The following CSMD1 variants were observed in gnomAD, a reference collection of about 807,000 sequenced individuals.
CSMD1 encodes CUB and sushi domain-containing protein 1.
In CSMD1, 213 loss-of-function variants were observed where a neutral mutation model predicts 417.5. The ratio of observed to expected loss-of-function variants is 0.51; its 90% CI spans 0.46 to 0.57. The LOEUF is 0.57. CSMD1 is among the 20% of genes least tolerant of loss of function. The probability of loss-of-function intolerance (pLI) is 0.00; values close to 1 mark genes in which losing one functional copy is unlikely to be tolerated. For synonymous variants in CSMD1, 2,862 were observed against 1,736.8 expected, an observed-to-expected ratio of 1.65 and a Z score of -16.11; for missense variants, 6,923 against 4,529.7, an observed-to-expected ratio of 1.53 and a Z score of -15.17.
chr8:4,644,414 C>T (rs1700981827), intron 1 of CSMD1, among the ~76,000 whole-genome samples: 1 of 76,840 alleles, frequency 1.3e-5, no homozygotes, highest in Non-Finnish European at 2.7e-5. Context: ...ACCCTTTGCC[C>T]TATTTTTTTT....
At chr8:4,360,596 T>G (rs1801695843) in intron 3 of CSMD1, among the ~76,000 whole-genome samples, 1 of 151,994 alleles carries the variant, frequency 6.6e-6, no homozygotes, top group Non-Finnish European at 1.5e-5. Context: ...TTCACGTCAT[T>G]CTCCTGCCTC....
At chr8:4,557,888 A>G (rs982092270) in intron 2 of CSMD1, among the ~76,000 whole-genome samples, 1 of 152,176 alleles carries the variant, frequency 6.6e-6, no homozygotes, top group African/African-American at 2.4e-5. Flanking sequence ...GGACAGTGTA[A>G]AGATGACGTG....
At chr8:4,957,825 T>C (rs1322093906) in intron 1 of CSMD1, among the ~76,000 whole-genome samples, 1 of 152,176 alleles carries the variant, frequency 6.6e-6, no homozygotes, top group Non-Finnish European at 1.5e-5. Context: ...AGGTGGATAG[T>C]ACAATTGGAC....
intron 3 of CSMD1, among the ~76,000 whole-genome samples, chr8:4,323,858 T>C (rs1399959583): frequency 1.3e-5 from 2 of 152,108 alleles, no homozygotes; most frequent in African/African-American, 4.8e-5. Flanking sequence ...AGAGTTTAGC[T>C]TAAGGCAACT....
At position 3,108,817 on chromosome 8, in the gene CSMD1, G is replaced by C. The variant is rs572618666; in HGVS notation, c.6609-69C>G. The C allele has an allele frequency of 8.1e-5, 117 of 1,444,310 alleles. 1 individual carries two copies. Among genetic ancestry groups the C allele is most frequent in the Non-Finnish European group, 1.1e-4 (113 of 1,067,288 alleles). The allele number at this position is 1,444,310 out of a possible 1,614,324, so 89.5% of individuals were successfully genotyped here. Reference sequence around the variant, plus strand: ...CTGAGTGAGATTTATGGAAACTTTGGCTAATGAATTAATTTTTTTAATAAA... The same window carrying C: ...CTGAGTGAGATTTATGGAAACTTTGCCTAATGAATTAATTTTTTTAATAAA... On this transcript the variant is annotated intron_variant, in intron 43 of 69. Coordinates refer to ENST00000635120, the MANE Select transcript of CSMD1 (RefSeq NM_033225.6).
intron 12 of CSMD1, among the ~76,000 whole-genome samples, chr8:3,431,530 T>C (rs1814217173): frequency 6.6e-6 from 1 of 152,192 alleles, no homozygotes; most frequent in Non-Finnish European, 1.5e-5. Flanking sequence ...TTTCCAGTAG[T>C]GCATGCCTCT....
chr8:4,129,386 C>G (rs147216017), intron 3 of CSMD1, among the ~76,000 whole-genome samples: 19 of 152,098 alleles, frequency 1.2e-4, no homozygotes, highest in Non-Finnish European at 2.6e-4. Context: ...ACCTCCACCC[C>G]CAACACACCA....
At chr8:3,470,257 T>C (rs1817010018) in intron 11 of CSMD1, among the ~76,000 whole-genome samples, 1 of 152,212 alleles carries the variant, frequency 6.6e-6, no homozygotes, top group Non-Finnish European at 1.5e-5. Context: ...ATGTTATTGT[T>C]TGTAGTATTG....
rs764243395 is a variant in CSMD1 at position 3,359,182 on chromosome 8, C to T, written c.3274G>A (p.Val1092Met). The T allele has an allele frequency of 6.2e-7, 1 of 1,613,904 alleles. No individual in the cohort carries two copies. Among genetic ancestry groups the T allele is most frequent in the African/African-American group, 1.3e-5 (1 of 74,910 alleles). Residue 1092 changes from valine to methionine, a missense_variant, in exon 21 of 70, where the codon GTG (valine) becomes ATG (methionine). Transcript: ENST00000635120. ...KLTCLGGGRRVWSAPLPRCVA... is the reference protein window; with the variant it reads ...KLTCLGGGRRMWSAPLPRCVA... ...CACCTTGGCAGAGGTGCACTCCACA[C>T]ACGGCGGCCCCCACCCAGGCAGGTA...
At chr8:4,120,433 C>T (rs184115065) in intron 3 of CSMD1, among the ~76,000 whole-genome samples, 2 of 152,152 alleles carry the variant, frequency 1.3e-5, no homozygotes, top group Non-Finnish European at 2.9e-5. Flanking sequence ...TTCTCTCCTT[C>T]CTCCTCCTCT....
chr8:3,753,075 A>C (rs1463343616), intron 6 of CSMD1, among the ~76,000 whole-genome samples: 1 of 152,172 alleles, frequency 6.6e-6, no homozygotes, highest in Non-Finnish European at 1.5e-5. Context: ...AGGATGCTGT[A>C]ATTTCTCTGG....
intron 3 of CSMD1, among the ~76,000 whole-genome samples, chr8:4,139,821 G>C (rs1563175160): frequency 6.6e-6 from 1 of 151,058 alleles, no homozygotes; most frequent in East Asian, 1.9e-4. Context: ...ACATTCCACA[G>C]AGGGCCTTGG....
chr8:3,790,193 C>T (rs1799658425), intron 5 of CSMD1, among the ~76,000 whole-genome samples: 3 of 152,206 alleles, frequency 2.0e-5, no homozygotes, highest in Admixed American at 2.0e-4. Context: ...AACTCTTTTG[C>T]ATCTAGTGAA....
chr8:3,868,105 T>C (rs1262112449), intron 5 of CSMD1, among the ~76,000 whole-genome samples: 1 of 152,074 alleles, frequency 6.6e-6, no homozygotes, highest in Non-Finnish European at 1.5e-5. Flanking sequence ...GCATGCACAG[T>C]ATTTAAATTA....
intron 1 of CSMD1, among the ~76,000 whole-genome samples, chr8:4,727,013 A>T (rs1412846627): frequency 6.6e-6 from 1 of 152,188 alleles, no homozygotes; most frequent in African/African-American, 2.4e-5. Context: ...GTCATACTGG[A>T]ATACCAGCAG....
At chr8:3,280,712 CTG>C (rs1334263215) in intron 26 of CSMD1, among the ~76,000 whole-genome samples, 5 of 75,342 alleles carry the variant, frequency 6.6e-5, no homozygotes, top group Non-Finnish European at 1.6e-4. Context: ...ACATGGAAAA[CTG>C]AGTAAAAAAT....
At chr8:4,607,297 A>AT (rs76540868) in intron 2 of CSMD1, among the ~76,000 whole-genome samples, 43,676 of 151,912 alleles carry the variant, frequency 0.29, 6,509 homozygotes, top group South Asian at 0.37. Flanking sequence ...AACAAAAAAA[A>AT]ATGCATTTGA....
intron 5 of CSMD1, among the ~76,000 whole-genome samples, chr8:3,957,637 TCATGC>T (rs1310215846): frequency 6.6e-6 from 1 of 151,694 alleles, no homozygotes; most frequent in Non-Finnish European, 1.5e-5. Context: ...TGAACTATAG[TCATGC>T]CACTGCACTC....
At chr8:3,413,436 C>A (rs1812940362) in intron 12 of CSMD1, among the ~76,000 whole-genome samples, 1 of 152,180 alleles carries the variant, frequency 6.6e-6, no homozygotes, top group Non-Finnish European at 1.5e-5. Context: ...ATGGCTACGG[C>A]TGGCCGTGGA....
Sources: allele counts gnomAD v4.1 joint callset (sites outside exome capture counted in the v4.1 genomes callset), GRCh38; gene constraint gnomAD v4.1.1; transcripts MANE v1.5; gene names NCBI Gene and HGNC (gene_info 2026-07-23, HGNC 2026-07-21).